ACOT12: variants seen among roughly 807,000 people sequenced by gnomAD.
ACOT12 encodes acyl-CoA thioesterase 12.
Under a neutral mutation model 67.7 loss-of-function variants are expected in ACOT12, and 51 were observed. That is an observed-to-expected ratio of 0.75 (90% confidence interval 0.60 to 0.95). The LOEUF (loss-of-function observed/expected upper bound fraction) is 0.95, where lower values mean the gene tolerates loss of function less well. Among genes scored for constraint, ACOT12 ranks in the 40% least tolerant of loss-of-function variants. ACOT12 has a pLI of 0.00. For synonymous variants in ACOT12, 251 were observed against 244.6 expected (o/e 1.03, Z -0.24); for missense variants, 734 against 708.1 (o/e 1.04, Z -0.41).
chr5:81,349,504 C>G (rs1210145894), intron 5 of ACOT12, among the ~76,000 whole-genome samples: 3 of 152,134 alleles, frequency 2.0e-5, no homozygotes, highest in African/African-American at 7.2e-5. Context: ...GCCACCATCA[C>G]CTGTGTCTTC....
At chr5:81,340,042 C>CTT (rs1257423189) in intron 11 of ACOT12, among the ~76,000 whole-genome samples, 1,733 of 143,066 alleles carry the variant, frequency 0.012, 33 homozygotes, top group African/African-American at 0.042. Flanking sequence ...AAGTATGATT[C>CTT]TTTTTTTTTT....
chr5:81,330,849 A>T lies in ACOT12; in HGVS notation c.1483T>A (p.Phe495Ile). The T allele has an allele frequency of 6.2e-7, 1 of 1,614,056 alleles. No homozygotes were observed. Among genetic ancestry groups the T allele is most frequent in the Non-Finnish European group, 8.5e-7 (1 of 1,179,966 alleles). ...TTGCTGTCAATAGCATGGATGAGAA[A>T]TCCGGCACATATGATTTCACTTCTG... ...YIRSEIICAG[F>I]LIHAIDSNSC... is the part of the protein sequence containing the mutation. The change falls in exon 14 of 15, where the codon TTT (phenylalanine) becomes ATT (isoleucine). Residue 495 changes from phenylalanine (F) to isoleucine (I), a missense_variant. By Grantham distance (21) the Phe-to-Ile change is conservative. Coordinates refer to ENST00000307624, the MANE Select transcript of ACOT12 (RefSeq NM_130767.3).
At chr5:81,391,448 C>A (rs891348448) in intron 1 of ACOT12, among the ~76,000 whole-genome samples, 2 of 152,164 alleles carry the variant, frequency 1.3e-5, no homozygotes, top group South Asian at 4.1e-4. Flanking sequence ...GTGTTATAAG[C>A]CTACTTTTGT....
chr5:81,342,659 G>T lies in ACOT12; in HGVS notation c.1128+13C>A. 6.2e-7 allele frequency: 1 copy of T among 1,613,788 alleles called. No individual in the cohort carries two copies. Among genetic ancestry groups the T allele is most frequent in the Non-Finnish European group, 8.5e-7 (1 of 1,179,724 alleles). On this transcript the variant is annotated intron_variant, in intron 11 of 14. Transcript: ENST00000307624. ...TGGGCGATGGATTATGCAAATACCT[G>T]GAAGTGTCCTACCTTTTCCACAGTG... is the stretch of plus-strand genomic sequence containing the variant.
intron 2 of ACOT12, among the ~76,000 whole-genome samples, chr5:81,380,840 T>A (rs1381268212): frequency 6.6e-6 from 1 of 152,106 alleles, no homozygotes; most frequent in Non-Finnish European, 1.5e-5. Flanking sequence ...CTTCATTAGG[T>A]GATTTTGTTG....
chr5:81,355,308 A>G (rs1163094702), intron 5 of ACOT12, among the ~76,000 whole-genome samples: 1 of 152,140 alleles, frequency 6.6e-6, no homozygotes, highest in Admixed American at 6.5e-5. Context: ...TTTATTATTT[A>G]CCTTGCTTCG....
At chr5:81,358,722 G>A (rs1015409250) in intron 5 of ACOT12, among the ~76,000 whole-genome samples, 4 of 152,082 alleles carry the variant, frequency 2.6e-5, no homozygotes, top group Non-Finnish European at 4.4e-5. Context: ...GGTGGCACGC[G>A]CCTATAATCC....
chr5:81,388,531 C>T (rs1319209224), intron 1 of ACOT12, among the ~76,000 whole-genome samples: 1 of 152,158 alleles, frequency 6.6e-6, no homozygotes, highest in Non-Finnish European at 1.5e-5. Flanking sequence ...GAAATGATGA[C>T]TGATAAAAAT....
intron 11 of ACOT12, among the ~76,000 whole-genome samples, chr5:81,339,741 C>T (rs1759128770): frequency 6.6e-6 from 1 of 152,174 alleles, no homozygotes; most frequent in Non-Finnish European, 1.5e-5. Context: ...CCAAAATATA[C>T]ATTTTGCTCC....
chr5:81,378,772 A>G (rs1478748203), intron 2 of ACOT12, among the ~76,000 whole-genome samples: 1 of 152,220 alleles, frequency 6.6e-6, no homozygotes, highest in Non-Finnish European at 1.5e-5. Context: ...GCAAATCAAA[A>G]CCACAATGAG....
downstream of ACOT12, among the ~76,000 whole-genome samples, chr5:81,326,140 T>TTTTTTTTTTTTTTTTTTTTTTC (rs1561315795): frequency 6.8e-6 from 1 of 147,320 alleles, no homozygotes; most frequent in African/African-American, 2.5e-5. Flanking sequence ...TTTTTTTTTT[T>TTTTTTTTTTTTTTTTTTTTTTC]TTGTGAGTCG....
Position 81,359,900 on chromosome 5 carries a change from G to A in ACOT12, c.496+3C>T. On this transcript the variant is annotated splice_donor_region_variant and intron_variant, in intron 5 of 14. Coordinates refer to ENST00000307624, the MANE Select transcript of ACOT12 (RefSeq NM_130767.3). ...TAAAATTCTTATAAGTGGATTTACT[G>A]ACCATCAAATTTGCTACTTTCCTTC... is the stretch of plus-strand genomic sequence containing the variant. 4 of 1,603,130 alleles carry A rather than the reference G, an allele frequency of 2.5e-6. No individual in the cohort carries two copies. Among genetic ancestry groups the A allele is most frequent in the Non-Finnish European group, 3.4e-6 (4 of 1,177,162 alleles).
rs147710941 is a variant in ACOT12 at position 81,350,306 on chromosome 5, T to C, written c.497-2376A>G. ...TATTATATATTCTTTTTTATAGAAA[T>C]CGTCTTTGTTTCTTTGTTAAACCTT... On this transcript the variant is annotated intron_variant, in intron 5 of 14. Transcript: ENST00000307624. Among the ~76,000 whole-genome samples the C allele has an allele frequency of 3.0e-3, 461 of 152,288 alleles. 4 individuals carry two copies. Among genetic ancestry groups the C allele is most frequent in the African/African-American group, 9.7e-3 (402 of 41,586 alleles).
the ACOT12 span, among the ~76,000 whole-genome samples, chr5:81,318,758 C>T: frequency 1.3e-5 from 2 of 152,202 alleles, no homozygotes; most frequent in Non-Finnish European, 2.9e-5. Context: ...ATCACTGCAT[C>T]AGGCAGTTAT....
At chr5:81,382,813 A>G (rs1760622277) in intron 2 of ACOT12, among the ~76,000 whole-genome samples, 1 of 151,832 alleles carries the variant, frequency 6.6e-6, no homozygotes, top group Non-Finnish European at 1.5e-5. Flanking sequence ...AAAAAAAAAA[A>G]AAGAAGAAGA....
chr5:81,342,805 G>A, intron 10 of ACOT12, 50 bp from the exon 11 acceptor site: 1 of 1,561,680 alleles, frequency 6.4e-7, no homozygotes, highest in Non-Finnish European at 8.8e-7. Flanking sequence ...ATACATGGAT[G>A]TGTGATCATA....
At chr5:81,363,920 TC>T (rs1759996730) in intron 3 of ACOT12, 31 bp from the exon 4 acceptor site, 1 of 1,466,830 alleles carries the variant, frequency 6.8e-7, no homozygotes, top group South Asian at 1.4e-5. Flanking sequence ...ATAAATACAC[TC>T]TTGGCCAGTT....
intron 12 of ACOT12, among the ~76,000 whole-genome samples, chr5:81,333,288 G>C (rs1417940408): frequency 6.6e-6 from 1 of 152,154 alleles, no homozygotes; most frequent in Non-Finnish European, 1.5e-5. Flanking sequence ...GTCCAAGAAG[G>C]ATTGTTTATA....
intron 1 of ACOT12, among the ~76,000 whole-genome samples, chr5:81,390,638 G>T (rs1760837772): frequency 6.6e-6 from 1 of 150,902 alleles, no homozygotes; most frequent in Non-Finnish European, 1.5e-5. Context: ...TGTGTAGCTG[G>T]GATTAAAAGC....
Sources: gnomAD v4.1 joint callset for allele counts (sites outside exome capture counted in the v4.1 genomes callset) on GRCh38, gnomAD v4.1.1 for gene constraint, MANE v1.5 for transcripts, NCBI Gene and HGNC (gene_info 2026-07-23, HGNC 2026-07-21) for gene names.